Variants in AFM observed in about 807,000 individuals in gnomAD.
AFM encodes afamin.
AFM carries 82 observed loss-of-function variants against 68.7 expected under a neutral mutation model. The ratio of observed to expected loss-of-function variants is 1.19; its 90% CI spans 1.00 to 1.43. The LOEUF is 1.43. Ranked by LOEUF, AFM falls within the 40% of genes most tolerant of loss-of-function variation. The pLI is 0.00. For synonymous variants in AFM, 250 were observed against 234.2 expected (o/e 1.07, Z -0.61); for missense variants, 772 against 701.8 (o/e 1.10, Z -1.13).
Position 73,497,813 on chromosome 4 carries a change from C to T in AFM, c.1289+64C>T, listed in dbSNP as rs1461855297. ...GAATTGAATACATAATCCCTCGAAG[C>T]GTAAAAAAGTTAGCTGTCAAGTTTT... On this transcript the variant is annotated intron_variant, in intron 10 of 14. Coordinates refer to ENST00000226355, the MANE Select transcript of AFM (RefSeq NM_001133.2). 2.0e-5 allele frequency: 21 copies of T among 1,058,568 alleles called. No homozygotes were observed. The South Asian group carries it at 2.8e-4, about 14-fold the overall frequency. The allele number at this position is 1,058,568 out of a possible 1,614,324, so 65.6% of individuals were successfully genotyped here. A position where few individuals can be genotyped will look rare whatever the true frequency, so the allele number is the denominator to read the frequency against.
chr4:73,482,932 C>T (rs1020229741), intron 1 of AFM, among the ~76,000 whole-genome samples: 6 of 152,132 alleles, frequency 3.9e-5, no homozygotes, highest in African/African-American at 1.4e-4. Flanking sequence ...CAGGGCTCTC[C>T]ATGTCTTCCA....
At chr4:73,486,640 G>T (rs921065532) in intron 4 of AFM, among the ~76,000 whole-genome samples, 2 of 152,174 alleles carry the variant, frequency 1.3e-5, no homozygotes, top group Non-Finnish European at 2.9e-5. Flanking sequence ...GTAGCATGTG[G>T]ATGGAAGGAC....
chr4:73,487,801 A>C lies in AFM; in HGVS notation c.693A>C (p.Gly231=). The C allele has an allele frequency of 6.2e-7, 1 of 1,608,934 alleles. No individual in the cohort carries two copies. The highest frequency in any genetic ancestry group is 1.3e-5 in the African/African-American group (1 of 74,886). The stretch of plus-strand genomic sequence containing the variant: ...TCTGTGGGGCACTTTTGAAATTTGG[A>C]ACCAAAGTTGTACACTTTATGTGAG... ...KHVCGALLKF[G]TKVVHFIYIA... The change falls in exon 6 of 15, where the codon GGA becomes GGC. Residue 231 remains glycine (G), a synonymous_variant. Coordinates refer to ENST00000226355, the MANE Select transcript of AFM (RefSeq NM_001133.2).
rs1360541956 is a variant in AFM, at chr4:73,492,000, G to A, written c.972G>A (p.Lys324=). The change falls in exon 8 of 15, where the codon AAG becomes AAA. Residue 324 remains lysine (K), a synonymous_variant. Coordinates refer to ENST00000226355, the MANE Select transcript of AFM (RefSeq NM_001133.2). ...IINSNKDDRP[K]DLSLREGKFT... Reference sequence around the variant, plus strand: ...ACTCAAACAAAGATGATAGACCAAAGGATTTATCTCTAAGAGAAGGAAAAT... The same window carrying A: ...ACTCAAACAAAGATGATAGACCAAAAGATTTATCTCTAAGAGAAGGAAAAT... The A allele has an allele frequency of 1.2e-6, 2 of 1,613,684 alleles. No homozygotes were observed. The highest frequency in any genetic ancestry group is 1.7e-5 in the Admixed American group (1 of 59,922).
At chr4:73,502,338 A>G (rs1481324202) in intron 13 of AFM, among the ~76,000 whole-genome samples, 1 of 152,210 alleles carries the variant, frequency 6.6e-6, no homozygotes, top group Non-Finnish European at 1.5e-5. Context: ...CAGGAAGGGT[A>G]TTAGAAAGTG....
Position 73,488,731 on chromosome 4 carries a change from G to GTT in AFM, c.815_816insTT (p.Asp273TrpfsTer14). 1 of 1,612,818 alleles carries GTT rather than the reference G, an allele frequency of 6.2e-7. No homozygotes were observed. Among genetic ancestry groups the GTT allele is most frequent in the Admixed American group, 1.7e-5 (1 of 59,820 alleles). ...TCCAACTATGATGGATGCTGTGAAG[G>GTT]GGATGTTGTGCAGTGCATCCGTGAC... On this transcript the variant is annotated frameshift_variant, in exon 7 of 15. Coordinates refer to ENST00000226355, the MANE Select transcript of AFM (RefSeq NM_001133.2). LOFTEE classifies it high-confidence loss of function.
intron 4 of AFM, 121 bp from the exon 5 acceptor site, chr4:73,486,846 A>G (rs1358513579): frequency 2.0e-6 from 2 of 998,042 alleles, no homozygotes; most frequent in East Asian, 5.0e-5. Context: ...GTCTCTTTCT[A>G]TTTTTTCTTT....
In AFM at chr4:73,495,314, A is replaced by G. The variant is rs1425428734; in HGVS notation, c.1073A>G (p.Tyr358Cys). ...DTFFAKFTFE[Y>C]SRRHPDLSIP... ...ACACATTGCAGGTTTACTTTTGAAT[A>G]CTCAAGGAGACATCCAGACCTGTCT... The change falls in exon 9 of 15, where the codon TAC (tyrosine) becomes TGC (cysteine). Residue 358 changes from tyrosine (Y) to cysteine (C), a missense_variant. Physicochemically the swap from Tyr to Cys is radical, Grantham distance 194. Transcript: ENST00000226355. The G allele has an allele frequency of 1.9e-6, 3 of 1,579,976 alleles. No individual in the cohort carries two copies. Among genetic ancestry groups the G allele is most frequent in the African/African-American group, 2.8e-5 (2 of 72,530 alleles).
Position 73,499,247 on chromosome 4 carries a change from G to GT in AFM, c.1422+2dup. ...AGAGTTTGCCTGTGTTGATAATTTG[G>GT]TGAGCATGGCCTGTGTACCAGACTA... is the stretch of plus-strand genomic sequence containing the variant. On this transcript the variant is annotated splice_donor_variant, in intron 11 of 14. Transcript: ENST00000226355. LOFTEE classifies it high-confidence loss of function. 6.2e-7 allele frequency: 1 copy of GT among 1,603,556 alleles called. No homozygotes were observed. Among genetic ancestry groups the GT allele is most frequent in the Non-Finnish European group, 8.5e-7 (1 of 1,173,930 alleles).
Position 73,497,763 on chromosome 4 carries a change from A to C in AFM, c.1289+14A>C. 2 of 1,503,238 alleles carry C rather than the reference A, an allele frequency of 1.3e-6. No individual in the cohort carries two copies. Among genetic ancestry groups the C allele is most frequent in the Non-Finnish European group, 1.8e-6 (2 of 1,087,628 alleles). 93.1% of individuals were successfully genotyped at this position (1,503,238 alleles called of 1,614,324 possible). A position where few individuals can be genotyped will look rare whatever the true frequency, so the allele number is the denominator to read the frequency against. On this transcript the variant is annotated intron_variant, in intron 10 of 14. Transcript: ENST00000226355. ...TTTGAAATACCAGTATGTTGTTTGCACAAGTGGGCTAACACTTGCCACTAG... is the reference window on the plus strand; with the variant it reads ...TTTGAAATACCAGTATGTTGTTTGCCCAAGTGGGCTAACACTTGCCACTAG...
chr4:73,489,645 C>T (rs1195484264), intron 7 of AFM, among the ~76,000 whole-genome samples: 5 of 152,306 alleles, frequency 3.3e-5, no homozygotes, highest in South Asian at 2.1e-4. Flanking sequence ...ACCAACATCT[C>T]CCCAATTCCC....
At chr4:73,492,260 A>T (rs564267312) in intron 8 of AFM, among the ~76,000 whole-genome samples, 174 bp downstream of exon 8, 2 of 152,304 alleles carry the variant, frequency 1.3e-5, no homozygotes, top group African/African-American at 4.8e-5. Context: ...TTAAGAAAAA[A>T]TCAACTGTAT....
At chr4:73,490,051 T>C (rs928435025) in intron 7 of AFM, among the ~76,000 whole-genome samples, 23 of 152,056 alleles carry the variant, frequency 1.5e-4, no homozygotes, top group Admixed American at 1.2e-3. Context: ...CTGAGTATGA[T>C]AGGTTGCACC....
chr4:73,489,200 T>C (rs1720999856), intron 7 of AFM, among the ~76,000 whole-genome samples: 1 of 152,148 alleles, frequency 6.6e-6, no homozygotes, highest in South Asian at 2.1e-4. Flanking sequence ...AATAAGTGGA[T>C]ACATTAATTT....
chr4:73,489,074 C>T (rs1295582687), intron 7 of AFM, among the ~76,000 whole-genome samples: 2 of 151,952 alleles, frequency 1.3e-5, no homozygotes, highest in East Asian at 3.8e-4. Flanking sequence ...ATTATAAATC[C>T]TCTTTTAGAG....
In AFM at chr4:73,502,303, A is replaced by T. The variant is rs114189114; in HGVS notation, c.1779+384A>T. Among the ~76,000 whole-genome samples, 629 of 152,356 alleles carry T rather than the reference A, an allele frequency of 4.1e-3. 3 individuals carry two copies. The highest frequency in any genetic ancestry group is 0.014 in the Middle Eastern group (4 of 294). ...GTCAAAGCGACTTGCAAAGGAAATC[A>T]TAAACAGCTCCAAATGGAGCAGAGC... On this transcript the variant is annotated intron_variant, in intron 13 of 14. Coordinates refer to ENST00000226355, the MANE Select transcript of AFM (RefSeq NM_001133.2).
At chr4:73,484,418 CT>C in intron 3 of AFM, 28 bp downstream of exon 3, 1 of 1,463,426 alleles carries the variant, frequency 6.8e-7, no homozygotes, top group East Asian at 2.6e-5. Flanking sequence ...GTTTCTTTTC[CT>C]TTTATCTTAT....
In AFM at chr4:73,489,925, G is replaced by A. The variant is rs188849251; in HGVS notation, c.843+1166G>A. Among the ~76,000 whole-genome samples, 554 of 152,134 alleles carry A rather than the reference G, an allele frequency of 3.6e-3. 2 individuals are homozygous for A. The highest frequency in any genetic ancestry group is 5.9e-3 in the Non-Finnish European group (404 of 67,996). ...GGTGCAGCAAATCTCCATGGCACAC[G>A]TATACCTATGTAACAAGCCTGTACA... is the stretch of plus-strand genomic sequence containing the variant. On this transcript the variant is annotated intron_variant, in intron 7 of 14. Transcript: ENST00000226355.
chr4:73,484,508 T>TTCA lies in AFM; in HGVS notation c.270+120_270+121insATC, dbSNP rs1553894028. ...TTTCTTTCTTTCTTTCTTTCTTTCA[T>TTCA]TCTTTCTTTCTTCTTTCTTTCTTTC... On this transcript the variant is annotated intron_variant, in intron 3 of 14. Transcript: ENST00000226355. The TTCA allele has an allele frequency of 2.3e-4, 166 of 718,180 alleles. No homozygotes were observed. The African/African-American group carries it at 4.4e-3, about 19-fold the overall frequency. The allele number at this position is 718,180 out of a possible 1,614,324, so 44.5% of individuals were successfully genotyped here. A position where few individuals can be genotyped will look rare whatever the true frequency, so the allele number is the denominator to read the frequency against.
Sources: gnomAD v4.1 joint callset for allele counts (sites outside exome capture counted in the v4.1 genomes callset) on GRCh38, gnomAD v4.1.1 for gene constraint, MANE v1.5 for transcripts, NCBI Gene and HGNC (gene_info 2026-07-23, HGNC 2026-07-21) for gene names.